The following RNF2 variants were observed in gnomAD, a reference collection of about 807,000 sequenced individuals.
RNF2 encodes ring finger protein 2, also known as E3 ubiquitin-protein ligase RING2.
In RNF2, 6 loss-of-function variants were observed where a neutral mutation model predicts 37.2. The observed-to-expected ratio is 0.16, with a 90% CI of 0.09 to 0.32. The LOEUF is 0.32. Ranked by LOEUF, RNF2 falls within the 10% of genes least tolerant of loss-of-function variation. The pLI, the probability that RNF2 is intolerant of heterozygous loss-of-function variation, is 1.00. For missense variants in RNF2, 251 were observed against 404.0 expected (o/e 0.62, Z 3.25); for synonymous variants, 133 against 132.7 (o/e 1.00, Z -0.02).
chr1:185,072,154 ACT>A (rs1262995360), intron 1 of RNF2: 1 of 152,260 alleles, frequency 6.6e-6, no homozygotes, highest in Non-Finnish European at 1.5e-5. Flanking sequence ...CAGGGGGCTG[ACT>A]CTGAGGTGCT....
intron 1 of RNF2, among the ~76,000 whole-genome samples, chr1:185,057,805 GA>G (rs111301848): frequency 0.15 from 20,403 of 136,410 alleles, 1,565 homozygotes; most frequent in East Asian, 0.27. Context: ...CTCTAAAGGG[GA>G]AAAAAAAAAA....
At position 185,094,601 on chromosome 1, in the gene RNF2, A is replaced by T. The variant is rs139463884; in HGVS notation, c.464+1325A>T. Among the ~76,000 whole-genome samples the T allele has an allele frequency of 7.1e-3, 1,076 of 152,294 alleles. 5 individuals are homozygous for T. The highest frequency in any genetic ancestry group is 0.011 in the Non-Finnish European group (774 of 68,008). On this transcript the variant is annotated intron_variant, in intron 4 of 6. Transcript: ENST00000367510. ...TTCCCAACTGGTTTTTCTACTTCCC[A>T]TGCTTACTCCCACATAGTCTATTCT...
At position 185,099,953 on chromosome 1, in the gene RNF2, C is replaced by G. The variant is rs201402005; in HGVS notation, c.900C>G (p.Gly300=). ...QYTIYIATAS[G]QFTVLNGSFS... is the part of the protein sequence containing the mutation. The stretch of plus-strand genomic sequence containing the variant: ...CCATTTATATAGCAACAGCCAGTGG[C>G]CAGTTCACTGTGAGTATTTAAAATA... The change falls in exon 6 of 7, where the codon GGC becomes GGG. Residue 300 remains glycine (G), a synonymous_variant. Coordinates refer to ENST00000367510, the MANE Select transcript of RNF2 (RefSeq NM_007212.4). 6.2e-7 allele frequency: 1 copy of G among 1,607,820 alleles called. No individual in the cohort carries two copies. Among genetic ancestry groups the G allele is most frequent in the South Asian group, 1.1e-5 (1 of 90,596 alleles).
At chr1:185,066,650 C>T (rs1414736883) in intron 1 of RNF2, among the ~76,000 whole-genome samples, 1 of 152,174 alleles carries the variant, frequency 6.6e-6, no homozygotes, top group Non-Finnish European at 1.5e-5. Context: ...AATGGTTGAA[C>T]TCAACTGGTT....
At chr1:185,093,679 A>G (rs1175039157) in intron 4 of RNF2, among the ~76,000 whole-genome samples, 1 of 152,224 alleles carries the variant, frequency 6.6e-6, no homozygotes, top group Non-Finnish European at 1.5e-5. Flanking sequence ...GTTACTTAGC[A>G]GCATTTGACA....
chr1:185,070,841 T>G (rs1650950593), intron 1 of RNF2, among the ~76,000 whole-genome samples: 1 of 152,090 alleles, frequency 6.6e-6, no homozygotes. Context: ...TTTCACCGTA[T>G]TAGCCGGGAT....
intron 1 of RNF2, among the ~76,000 whole-genome samples, chr1:185,061,506 A>G (rs1156673250): frequency 6.6e-6 from 1 of 152,152 alleles, no homozygotes; most frequent in Non-Finnish European, 1.5e-5. Context: ...ATAGAGGAAA[A>G]CGATAGCTAG....
intron 1 of RNF2, among the ~76,000 whole-genome samples, chr1:185,082,098 C>G (rs1651429476): frequency 6.6e-6 from 1 of 152,132 alleles, no homozygotes; most frequent in African/African-American, 2.4e-5. Flanking sequence ...GAGAAGACAA[C>G]ACTTAAAAAT....
rs1651970689 is a variant in RNF2, at chr1:185,098,274, G to T, written c.667G>T (p.Ala223Ser). 1.3e-5 allele frequency: 21 copies of T among 1,614,122 alleles called. No homozygotes were observed. The highest frequency in any genetic ancestry group is 1.8e-5 in the Non-Finnish European group (21 of 1,179,972). Residue 223 changes from alanine to serine, a missense_variant, in exon 5 of 7, where the codon GCT (alanine) becomes TCT (serine). Coordinates refer to ENST00000367510, the MANE Select transcript of RNF2 (RefSeq NM_007212.4). Reference sequence around the variant, plus strand: ...GGCAATTGATCCAGTAATGGATGGTGCTAGTGAAATTGAATTAGTATTCAG... The same window carrying T: ...GGCAATTGATCCAGTAATGGATGGTTCTAGTGAAATTGAATTAGTATTCAG... ...AMAIDPVMDG[A>S]SEIELVFRPH...
At chr1:185,077,625 G>GGTTTTTTTTTTTTTTTTT (rs1553241127) in intron 1 of RNF2, among the ~76,000 whole-genome samples, 28 of 115,670 alleles carry the variant, frequency 2.4e-4, no homozygotes, top group African/African-American at 8.9e-4. Flanking sequence ...AATTAACTTT[G>GGTTTTTTTTTTTTTTTTT]TTTTTTTTTT....
At chr1:185,055,435 A>C (rs561183342) in intron 1 of RNF2, among the ~76,000 whole-genome samples, 167 of 152,090 alleles carry the variant, frequency 1.1e-3, no homozygotes, top group Non-Finnish European at 2.5e-4. Context: ...GTTGTTTTTA[A>C]ATTTAAATGG....
At position 185,099,923 on chromosome 1, in the gene RNF2, G is replaced by A; in HGVS notation, c.870G>A (p.Gln290=). 1 of 1,613,548 alleles carries A rather than the reference G, an allele frequency of 6.2e-7. No homozygotes were observed. The highest frequency in any genetic ancestry group is 8.5e-7 in the Non-Finnish European group (1 of 1,179,514). The part of the protein sequence containing the change: ...QMNLDTASEK[Q]YTIYIATASG... ...ACCTTGATACAGCCAGTGAGAAGCA[G>A]TATACCATTTATATAGCAACAGCCA... Residue 290 remains glutamine (Q), a synonymous_variant, in exon 6 of 7, where the codon CAG becomes CAA. Transcript: ENST00000367510.
intron 1 of RNF2, among the ~76,000 whole-genome samples, chr1:185,076,798 A>G (rs868612482): frequency 7.3e-5 from 11 of 151,514 alleles, no homozygotes; most frequent in Admixed American, 3.9e-4. Context: ...GTTGCTTTCT[A>G]TTAAGCTTTA....
intron 1 of RNF2, among the ~76,000 whole-genome samples, chr1:185,053,330 TTTTC>T (rs1395728543): frequency 7.2e-5 from 11 of 151,848 alleles, no homozygotes; most frequent in Admixed American, 3.9e-4. Flanking sequence ...ATTTTCCTTT[TTTTC>T]TTTTTCTTTT....
intron 1 of RNF2, among the ~76,000 whole-genome samples, chr1:185,064,858 A>AATTTCCTT (rs1650753491): frequency 6.6e-6 from 1 of 151,810 alleles, no homozygotes; most frequent in Non-Finnish European, 1.5e-5. Flanking sequence ...ATTTTTTTTT[A>AATTTCCTT]ATTTCCTTTT....
At chr1:185,096,461 C>A (rs567628624) in intron 4 of RNF2, among the ~76,000 whole-genome samples, 1 of 152,118 alleles carries the variant, frequency 6.6e-6, no homozygotes, top group Non-Finnish European at 1.5e-5. Flanking sequence ...ATTTCTCCCT[C>A]CCCCCAGTTC....
At chr1:185,065,686 A>G (rs1650778524) in intron 1 of RNF2, among the ~76,000 whole-genome samples, 1 of 152,168 alleles carries the variant, frequency 6.6e-6, no homozygotes, top group Non-Finnish European at 1.5e-5. Flanking sequence ...CCTCTGAAGG[A>G]ACAAATTCCG....
intron 1 of RNF2, among the ~76,000 whole-genome samples, chr1:185,061,053 G>C (rs1340057787): frequency 1.3e-5 from 2 of 151,988 alleles, no homozygotes; most frequent in African/African-American, 4.8e-5. Context: ...GGAGTTTGAG[G>C]TTACAGTGAG....
At chr1:185,083,103 T>C (rs973786205) in intron 1 of RNF2, among the ~76,000 whole-genome samples, 7 of 152,242 alleles carry the variant, frequency 4.6e-5, no homozygotes, top group African/African-American at 9.6e-5. Flanking sequence ...ATTGTTTTTT[T>C]CCCCTGCTTC....
Sources: allele counts gnomAD v4.1 joint callset (sites outside exome capture counted in the v4.1 genomes callset), GRCh38; gene constraint gnomAD v4.1.1; transcripts MANE v1.5; gene names NCBI Gene and HGNC (gene_info 2026-07-23, HGNC 2026-07-21).